The following DCBLD1 variants were observed in gnomAD, a reference collection of about 807,000 sequenced individuals.
The protein encoded by DCBLD1 is discoidin, CUB and LCCL domain-containing protein 1.
In DCBLD1, 57 loss-of-function variants were observed where a neutral mutation model predicts 71.5. That is an observed-to-expected ratio of 0.80 (90% CI 0.64 to 0.99). DCBLD1 has a LOEUF of 0.99. Ranked by LOEUF, DCBLD1 falls within the 50% of genes least tolerant of loss-of-function variation. The pLI, the probability that DCBLD1 is intolerant of heterozygous loss-of-function variation, is 0.00. For missense variants in DCBLD1, 891 were observed against 923.5 expected (o/e 0.96, Z 0.46); for synonymous variants, 380 against 363.8 (o/e 1.04, Z -0.51).
At chr6:117,513,823 C>T (rs74743190) in intron 2 of DCBLD1, among the ~76,000 whole-genome samples, 1 of 152,190 alleles carries the variant, frequency 6.6e-6, no homozygotes, top group Non-Finnish European at 1.5e-5. Flanking sequence ...TAGAAGTCAC[C>T]GCGCTCTCAT....
At chr6:117,487,509 G>A (rs545662244) in intron 1 of DCBLD1, among the ~76,000 whole-genome samples, 4 of 152,072 alleles carry the variant, frequency 2.6e-5, no homozygotes, top group South Asian at 4.2e-4. Context: ...CTGTGGTCTC[G>A]GCTACTCGGG....
chr6:117,492,021 C>T (rs930914857), intron 1 of DCBLD1, among the ~76,000 whole-genome samples: 2 of 152,158 alleles, frequency 1.3e-5, no homozygotes, highest in Admixed American at 6.5e-5. Flanking sequence ...ATTATTGCTC[C>T]ACTTTTAGTG....
At chr6:117,533,597 T>G (rs1562454646) in intron 6 of DCBLD1, among the ~76,000 whole-genome samples, 1 of 152,198 alleles carries the variant, frequency 6.6e-6, no homozygotes, top group South Asian at 2.1e-4. Flanking sequence ...TAACATTGCT[T>G]TTATTGGAAA....
chr6:117,550,177 A>G (rs1197509783), downstream of DCBLD1, among the ~76,000 whole-genome samples: 1 of 152,172 alleles, frequency 6.6e-6, no homozygotes, highest in African/African-American at 2.4e-5. Context: ...CTTCTTTACA[A>G]TAGAGCTGTC....
chr6:117,506,546 A>C (rs901787154), intron 2 of DCBLD1, among the ~76,000 whole-genome samples: 2 of 152,258 alleles, frequency 1.3e-5, no homozygotes, highest in Non-Finnish European at 2.9e-5. Flanking sequence ...CAAAAACACT[A>C]ACCAGACCTA....
chr6:117,512,279 C>T (rs1286509040), intron 2 of DCBLD1, among the ~76,000 whole-genome samples: 3 of 152,188 alleles, frequency 2.0e-5, no homozygotes, highest in African/African-American at 7.2e-5. Context: ...AAGAATCCGC[C>T]TGCTTCATTT....
chr6:117,507,364 A>T (rs1440653051), intron 2 of DCBLD1, among the ~76,000 whole-genome samples: 1 of 152,212 alleles, frequency 6.6e-6, no homozygotes, highest in African/African-American at 2.4e-5. Context: ...CTGTTTCCTA[A>T]TACAGACAAA....
At chr6:117,528,665 T>C (rs1778619034) in intron 5 of DCBLD1, among the ~76,000 whole-genome samples, 1 of 152,242 alleles carries the variant, frequency 6.6e-6, no homozygotes, top group Non-Finnish European at 1.5e-5. Flanking sequence ...TGCAATTGCC[T>C]GAGGCATGAA....
downstream of DCBLD1, among the ~76,000 whole-genome samples, chr6:117,553,534 T>C (rs1779457803): frequency 6.6e-6 from 1 of 152,234 alleles, no homozygotes; most frequent in South Asian, 2.1e-4. Context: ...TCTCCCTTAA[T>C]ATACTAAGCC....
At chr6:117,492,775 G>C (rs1451346631) in intron 1 of DCBLD1, among the ~76,000 whole-genome samples, 1 of 152,144 alleles carries the variant, frequency 6.6e-6, no homozygotes, top group Non-Finnish European at 1.5e-5. Context: ...TACCTTATTA[G>C]ATGTATGATA....
intron 7 of DCBLD1, 83 bp downstream of exon 7, chr6:117,537,308 G>A (rs1172885014): frequency 7.6e-6 from 10 of 1,318,746 alleles, no homozygotes; most frequent in Admixed American, 6.8e-5. Context: ...GCCGAGGCAG[G>A]CGGATCATGA....
intron 11 of DCBLD1, among the ~76,000 whole-genome samples, chr6:117,542,130 T>C (rs569643761): frequency 5.3e-5 from 8 of 151,796 alleles, no homozygotes; most frequent in African/African-American, 1.9e-4. Context: ...CCGTCTCTAA[T>C]AAAATACAAA....
chr6:117,561,800 A>G (rs369004447), intron 14 of DCBLD1: 1 of 207,616 alleles, frequency 4.8e-6, no homozygotes, highest in South Asian at 1.9e-4. Flanking sequence ...ACCATAAATG[A>G]GCAACAGTTA....
rs560459680 is a variant in DCBLD1 at position 117,524,524 on chromosome 6, T to TA, written c.513-837dup. Among the ~76,000 whole-genome samples the TA allele has an allele frequency of 1.9e-3, 289 of 152,198 alleles. 1 individual carries two copies. Among genetic ancestry groups the TA allele is most frequent in the African/African-American group, 6.4e-3 (266 of 41,534 alleles). ...CGGCCTTGGAATCCTAATTTTAAAATATATCCTTTTTTTCTGATTGCAAAA... is the reference window on the plus strand; with the variant it reads ...CGGCCTTGGAATCCTAATTTTAAAATAATATCCTTTTTTTCTGATTGCAAAA... On this transcript the variant is annotated intron_variant, in intron 4 of 14. Transcript: ENST00000338728.
Position 117,519,951 on chromosome 6 carries a change from G to A in DCBLD1, c.460+1G>A, listed in dbSNP as rs762413046. ...ACCTATGCGAGCAGCGACCATCCAG[G>A]TATAACGGAAGAATCAACACAAATC... On this transcript the variant is annotated splice_donor_variant, in intron 3 of 14. Coordinates refer to ENST00000338728, the MANE Select transcript of DCBLD1 (RefSeq NM_001366458.2). LOFTEE classifies it high-confidence loss of function. 3 of 1,613,456 alleles carry A rather than the reference G, an allele frequency of 1.9e-6. No homozygotes were observed. The highest frequency in any genetic ancestry group is 4.5e-5 in the East Asian group (2 of 44,882).
chr6:117,567,394 C>A (rs1226938229), intron 14 of DCBLD1, among the ~76,000 whole-genome samples: 1 of 152,144 alleles, frequency 6.6e-6, no homozygotes, highest in African/African-American at 2.4e-5. Context: ...AGCAATTCAG[C>A]AAATACATCT....
At chr6:117,539,782 G>A (rs1779026544) in intron 9 of DCBLD1, 2 of 154,834 alleles carry the variant, frequency 1.3e-5, no homozygotes, top group Admixed American at 1.3e-4. Flanking sequence ...TTAAAAAGAT[G>A]ATGATGGGCT....
chr6:117,490,110 C>G (rs796851779), intron 1 of DCBLD1, among the ~76,000 whole-genome samples: 9 of 152,112 alleles, frequency 5.9e-5, no homozygotes, highest in African/African-American at 2.2e-4. Flanking sequence ...CACACACACA[C>G]ACACACACAC....
At chr6:117,537,458 CG>C (rs1778924084) in intron 7 of DCBLD1, among the ~76,000 whole-genome samples, 1 of 150,514 alleles carries the variant, frequency 6.6e-6, no homozygotes, top group South Asian at 2.1e-4. Flanking sequence ...GGCGTGAACC[CG>C]GGAGGCGGAG....
Sources: allele counts gnomAD v4.1 joint callset (sites outside exome capture counted in the v4.1 genomes callset), GRCh38; gene constraint gnomAD v4.1.1; transcripts MANE v1.5; gene names NCBI Gene and HGNC (gene_info 2026-07-23, HGNC 2026-07-21).